The following MAGI2 variants were observed in gnomAD, a reference collection of about 807,000 sequenced individuals.
MAGI2 encodes the protein membrane-associated guanylate kinase, WW and PDZ domain-containing protein 2.
A neutral mutation model predicts 133.3 loss-of-function variants in MAGI2; 35 were observed. The observed-to-expected ratio is 0.26, with a 90% CI of 0.20 to 0.35. MAGI2 has a LOEUF of 0.35. Ranked by LOEUF, MAGI2 falls within the 10% of genes least tolerant of loss-of-function variation. The probability of loss-of-function intolerance (pLI) is 1.00; values close to 1 mark genes in which losing one functional copy is unlikely to be tolerated. For missense variants in MAGI2, 1,636 were observed against 1,863.4 expected, an observed-to-expected ratio of 0.88 and a Z score of 2.25; for synonymous variants, 729 against 710.6, an observed-to-expected ratio of 1.03 and a Z score of -0.41.
At chr7:78,564,648 A>G (rs1388938384) in intron 3 of MAGI2, among the ~76,000 whole-genome samples, 2 of 152,148 alleles carry the variant, frequency 1.3e-5, no homozygotes, top group Non-Finnish European at 2.9e-5. Context: ...ACCTCAAAAT[A>G]TGTTACCCTC....
intron 1 of MAGI2, among the ~76,000 whole-genome samples, chr7:79,065,697 G>T (rs1471955103): frequency 6.6e-6 from 1 of 151,996 alleles, no homozygotes; most frequent in Non-Finnish European, 1.5e-5. Flanking sequence ...TTCTCCTAAT[G>T]CTATCCTTCC....
intron 1 of MAGI2, among the ~76,000 whole-genome samples, chr7:79,039,510 A>G (rs2116888517): frequency 6.6e-6 from 1 of 152,232 alleles, no homozygotes; most frequent in South Asian, 2.1e-4. Flanking sequence ...AGACAAATGG[A>G]ATTACATCAA....
At chr7:78,474,293 G>C (rs1036910395) in intron 6 of MAGI2, among the ~76,000 whole-genome samples, 3 of 152,002 alleles carry the variant, frequency 2.0e-5, no homozygotes, top group Non-Finnish European at 1.5e-5. Context: ...GTTGCAAGTT[G>C]TGTAAAGACA....
At chr7:79,408,326 A>T (rs1845942312) in intron 1 of MAGI2, among the ~76,000 whole-genome samples, 1 of 152,034 alleles carries the variant, frequency 6.6e-6, no homozygotes, top group African/African-American at 2.4e-5. Context: ...ATATTTTAAG[A>T]AGTAATATAT....
At chr7:79,214,407 CTATATATATATATATATA>C (rs1196193501) in intron 1 of MAGI2, among the ~76,000 whole-genome samples, 1 of 17,710 alleles carries the variant, frequency 5.6e-5, no homozygotes, top group African/African-American at 2.3e-4. Context: ...CTCTCTCTCT[CTATATATATATATATATA>C]TATATATATA....
intron 3 of MAGI2, among the ~76,000 whole-genome samples, chr7:78,569,038 C>A (rs1193839925): frequency 6.6e-6 from 1 of 152,038 alleles, no homozygotes; most frequent in East Asian, 1.9e-4. Flanking sequence ...CTTCAGGATT[C>A]TGCTCAGATA....
chr7:78,431,712 A>T (rs192427999), intron 6 of MAGI2, among the ~76,000 whole-genome samples: 33 of 152,168 alleles, frequency 2.2e-4, no homozygotes, highest in African/African-American at 7.7e-4. Context: ...GACCTGAAAC[A>T]TTATGTATCT....
Position 78,885,318 on chromosome 7 carries a change from A to G in MAGI2, c.418+121772T>C, listed in dbSNP as rs537315208. Among the ~76,000 whole-genome samples, 9 of 152,312 alleles carry G rather than the reference A, an allele frequency of 5.9e-5. No homozygotes were observed. The East Asian group carries it at 1.7e-3, about 29-fold the overall frequency. Reference sequence around the variant, plus strand: ...CCCTGAATGTAAAATAAAAGTTGAAATTACTAATAAAAAATCAACACGTAT... The same window carrying G: ...CCCTGAATGTAAAATAAAAGTTGAAGTTACTAATAAAAAATCAACACGTAT... On this transcript the variant is annotated intron_variant, in intron 2 of 21. Transcript: ENST00000354212.
intron 1 of MAGI2, among the ~76,000 whole-genome samples, chr7:79,211,335 G>A (rs1037063897): frequency 6.6e-6 from 1 of 151,852 alleles, no homozygotes; most frequent in Non-Finnish European, 1.5e-5. Context: ...GTAGTACAGT[G>A]GTGTGACCAT....
At chr7:79,112,217 T>C (rs1002188567) in intron 1 of MAGI2, among the ~76,000 whole-genome samples, 6 of 152,076 alleles carry the variant, frequency 3.9e-5, no homozygotes, top group Admixed American at 1.3e-4. Flanking sequence ...AAGCGAATAG[T>C]TATCTGGAAA....
At chr7:79,450,361 A>C (rs1026715541) in intron 1 of MAGI2, among the ~76,000 whole-genome samples, 1 of 152,176 alleles carries the variant, frequency 6.6e-6, no homozygotes, top group African/African-American at 2.4e-5. Flanking sequence ...TTATAATCAT[A>C]AATAAAATTA....
intron 2 of MAGI2, among the ~76,000 whole-genome samples, chr7:78,738,028 A>G (rs1211258487): frequency 2.0e-5 from 3 of 150,820 alleles, no homozygotes; most frequent in African/African-American, 7.3e-5. Context: ...TGAAATTTCC[A>G]AAAAATAGAG....
chr7:78,444,181 T>A (rs971938352), intron 6 of MAGI2, among the ~76,000 whole-genome samples: 17 of 152,190 alleles, frequency 1.1e-4, no homozygotes, highest in African/African-American at 4.1e-4. Context: ...TGTACAAAGG[T>A]CAGTTTACAA....
chr7:78,677,834 C>A (rs1815214760), intron 2 of MAGI2, among the ~76,000 whole-genome samples: 1 of 152,028 alleles, frequency 6.6e-6, no homozygotes, highest in Non-Finnish European at 1.5e-5. Flanking sequence ...TCACCCCTTA[C>A]AATCAAGCAG....
intron 3 of MAGI2, among the ~76,000 whole-genome samples, chr7:78,557,080 C>CAAAAAAAAAAAAAAAAAAAAAAA (rs796371005): frequency 4.2e-4 from 17 of 40,906 alleles, no homozygotes; most frequent in African/African-American, 1.5e-3. Flanking sequence ...GGCAGAGTCT[C>CAAAAAAAAAAAAAAAAAAAAAAA]AAAAAAAAAA....
intron 1 of MAGI2, among the ~76,000 whole-genome samples, chr7:79,121,232 A>AT (rs1584975553): frequency 1.3e-5 from 2 of 152,122 alleles, no homozygotes; most frequent in African/African-American, 4.8e-5. Flanking sequence ...TGAAAAACAG[A>AT]TCCCTAACAT....
chr7:79,429,009 A>G (rs1847589102), intron 1 of MAGI2, among the ~76,000 whole-genome samples: 1 of 152,140 alleles, frequency 6.6e-6, no homozygotes, highest in Non-Finnish European at 1.5e-5. Flanking sequence ...ATATGTTGAT[A>G]TATAACAGAA....
At chr7:79,029,154 A>G (rs986492510) in intron 1 of MAGI2, among the ~76,000 whole-genome samples, 5 of 152,148 alleles carry the variant, frequency 3.3e-5, no homozygotes, top group Non-Finnish European at 7.4e-5. Context: ...CTGCATAATC[A>G]TTTCAGAAAA....
chr7:78,735,717 T>C (rs1306518879), intron 2 of MAGI2, among the ~76,000 whole-genome samples: 3 of 152,214 alleles, frequency 2.0e-5, no homozygotes, highest in African/African-American at 7.2e-5. Flanking sequence ...TCCTTTAAAA[T>C]GTTTAATCTG....
Sources: allele counts gnomAD v4.1 joint callset (sites outside exome capture counted in the v4.1 genomes callset), GRCh38; gene constraint gnomAD v4.1.1; transcripts MANE v1.5; gene names NCBI Gene and HGNC (gene_info 2026-07-23, HGNC 2026-07-21).